ZNF608: variants seen among roughly 807,000 people sequenced by gnomAD.
ZNF608 encodes the protein renal carcinoma antigen NY-REN-36.
In ZNF608, 12 loss-of-function variants were observed where a neutral mutation model predicts 109.0. That is an observed-to-expected ratio of 0.11 (90% CI 0.07 to 0.18). The LOEUF is 0.18. Ranked by LOEUF, ZNF608 falls within the 10% of genes least tolerant of loss-of-function variation. The pLI, the probability that ZNF608 is intolerant of heterozygous loss-of-function variation, is 1.00. For synonymous variants in ZNF608, 732 were observed against 717.4 expected (o/e 1.02, Z -0.33); for missense variants, 1,707 against 1,879.3 (o/e 0.91, Z 1.70).
chr5:124,679,071 G>A (rs923246377), intron 3 of ZNF608, among the ~76,000 whole-genome samples: 5 of 152,218 alleles, frequency 3.3e-5, no homozygotes, highest in African/African-American at 1.2e-4. Context: ...TAGCAGCTTT[G>A]CCTGCATCAA....
intron 3 of ZNF608, among the ~76,000 whole-genome samples, chr5:124,695,116 A>C (rs1478704915): frequency 6.6e-6 from 1 of 152,212 alleles, no homozygotes; most frequent in East Asian, 1.9e-4. Context: ...CATAAGAAGC[A>C]TGCCCACTAG....
chr5:124,639,305 A>G, intron 8 of ZNF608, 91 bp from the exon 9 acceptor site: 1 of 1,040,056 alleles, frequency 9.6e-7, no homozygotes, highest in Non-Finnish European at 1.5e-6. Context: ...ACCTAGTAGC[A>G]GCATGGTGTC....
chr5:124,735,347 C>A lies in ZNF608; in HGVS notation c.906+8737G>T, dbSNP rs548440506. On this transcript the variant is annotated intron_variant, in intron 2 of 9. Coordinates refer to ENST00000513986, the MANE Select transcript of ZNF608 (RefSeq NM_020747.3). ...CTCAGGGCCATAAACGGGTCCCTGG[C>A]GGGAAGAAGGGCGCGTTCCCGGCTG... 7.9e-5 allele frequency among the ~76,000 whole-genome samples: 12 copies of A among 152,316 alleles called. No homozygotes were observed. The South Asian group carries it at 2.5e-3, about 32-fold the overall frequency.
At chr5:124,710,552 C>G in intron 2 of ZNF608, 2 of 241,054 alleles carry the variant, frequency 8.3e-6, no homozygotes, top group Non-Finnish European at 1.7e-5. Flanking sequence ...AATTTTGACT[C>G]CCTGTACAGG....
chr5:124,693,154 T>C (rs904497475), intron 3 of ZNF608, among the ~76,000 whole-genome samples: 2 of 152,266 alleles, frequency 1.3e-5, no homozygotes, highest in Non-Finnish European at 1.5e-5. Flanking sequence ...TTTTAAGTTA[T>C]GTGAATTATA....
intron 2 of ZNF608, among the ~76,000 whole-genome samples, chr5:124,733,898 G>C (rs1749024754): frequency 6.6e-6 from 1 of 151,958 alleles, no homozygotes; most frequent in Non-Finnish European, 1.5e-5. Flanking sequence ...ATTTTGAATA[G>C]GTTTTGTTGA....
intron 2 of ZNF608, among the ~76,000 whole-genome samples, chr5:124,721,761 C>A (rs1317717875): frequency 6.6e-6 from 1 of 151,300 alleles, no homozygotes; most frequent in African/African-American, 2.4e-5. Flanking sequence ...CATGGTGAAA[C>A]CCCATCTCTA....
Position 124,647,791 on chromosome 5 carries a change from C to A in ZNF608, c.2593G>T (p.Ala865Ser). 6.2e-7 allele frequency: 1 copy of A among 1,614,144 alleles called. No homozygotes were observed. The highest frequency in any genetic ancestry group is 8.5e-7 in the Non-Finnish European group (1 of 1,179,976). ...TCCTGAGACTCCGACAGTCCATTTG[C>A]CAGCCCTTCATTCTTGTTGAGATGA... ...KDHLNKNEGL[A>S]NGLSESQESR... Residue 865 changes from alanine (A) to serine (S), a missense_variant, in exon 5 of 10, where the codon GCA becomes TCA. By Grantham distance (99) the Ala-to-Ser change is moderately conservative (BLOSUM62 1). Coordinates refer to ENST00000513986, the MANE Select transcript of ZNF608 (RefSeq NM_020747.3).
At chr5:124,670,769 T>C (rs987585412) in intron 3 of ZNF608, among the ~76,000 whole-genome samples, 5 of 152,202 alleles carry the variant, frequency 3.3e-5, no homozygotes, top group Non-Finnish European at 5.9e-5. Flanking sequence ...AAAACCCTTC[T>C]TGTGAGGTCT....
chr5:124,729,497 CA>C (rs1219237071), intron 2 of ZNF608, among the ~76,000 whole-genome samples: 2 of 152,186 alleles, frequency 1.3e-5, no homozygotes, highest in African/African-American at 4.8e-5. Context: ...ATTTAGGAAA[CA>C]CTTAAGAACA....
At chr5:124,661,485 A>T (rs1751256853) in intron 3 of ZNF608, among the ~76,000 whole-genome samples, 2 of 42,864 alleles carry the variant, frequency 4.7e-5, no homozygotes, top group Non-Finnish European at 1.1e-4. Context: ...TCAGGGAAGA[A>T]AAAAAAAAAA....
intron 3 of ZNF608, among the ~76,000 whole-genome samples, chr5:124,659,008 C>T (rs2149800961): frequency 6.6e-6 from 1 of 152,112 alleles, no homozygotes; most frequent in African/African-American, 2.4e-5. Context: ...TAGCACAGGG[C>T]CAGGGTCTGT....
At chr5:124,725,335 T>C (rs1338362109) in intron 2 of ZNF608, among the ~76,000 whole-genome samples, 1 of 152,064 alleles carries the variant, frequency 6.6e-6, no homozygotes, top group Non-Finnish European at 1.5e-5. Flanking sequence ...AGCAGAGACT[T>C]GGTTTCTTCA....
At chr5:124,699,062 A>T (rs1427387207) in intron 3 of ZNF608, among the ~76,000 whole-genome samples, 1 of 152,226 alleles carries the variant, frequency 6.6e-6, no homozygotes, top group East Asian at 1.9e-4. Flanking sequence ...CCAAGTACAA[A>T]AAAATCTGAT....
At chr5:124,675,558 TTA>T (rs1267910601) in intron 3 of ZNF608, among the ~76,000 whole-genome samples, 1 of 152,234 alleles carries the variant, frequency 6.6e-6, no homozygotes, top group Non-Finnish European at 1.5e-5. Context: ...CGTTAATATT[TTA>T]TGTTTACTAA....
rs945780853 is a variant in ZNF608, at chr5:124,637,111, T to C, written c.*789A>G. On this transcript the variant is annotated 3_prime_UTR_variant, in exon 10 of 10. Transcript: ENST00000513986. ...AAACATTAAAAAAAAAAAAAGACTG[T>C]AGAACTATTCAAGTAATAGAACAAT... The C allele has an allele frequency of 1.3e-5, 2 of 149,960 alleles. No individual in the cohort carries two copies. The highest frequency in any genetic ancestry group is 2.5e-5 in the African/African-American group (1 of 40,784). The allele number at this position is 149,960 out of a possible 1,614,324, so 9.3% of individuals were successfully genotyped here.
At chr5:124,691,385 A>T (rs944255320) in intron 3 of ZNF608, among the ~76,000 whole-genome samples, 1 of 152,200 alleles carries the variant, frequency 6.6e-6, no homozygotes, top group Non-Finnish European at 1.5e-5. Context: ...CAGCATCACT[A>T]TCCACAAAGG....
intron 3 of ZNF608, among the ~76,000 whole-genome samples, chr5:124,674,738 G>A (rs1336174524): frequency 6.6e-6 from 1 of 152,128 alleles, no homozygotes; most frequent in Non-Finnish European, 1.5e-5. Flanking sequence ...AGCCTCCTGA[G>A]TAGCTTGGAC....
intron 3 of ZNF608, among the ~76,000 whole-genome samples, chr5:124,671,449 A>C (rs1022982133): frequency 2.6e-5 from 4 of 152,178 alleles, no homozygotes; most frequent in Non-Finnish European, 4.4e-5. Context: ...GTTTCTAATA[A>C]CTACTACAGC....
Sources: allele counts gnomAD v4.1 joint callset (sites outside exome capture counted in the v4.1 genomes callset), GRCh38; gene constraint gnomAD v4.1.1; transcripts MANE v1.5; gene names NCBI Gene and HGNC (gene_info 2026-07-23, HGNC 2026-07-21).